GTF2E2: variants seen among roughly 807,000 people sequenced by gnomAD.
GTF2E2 encodes the protein general transcription factor IIE subunit 2, also known as transcription initiation factor IIE subunit beta.
A neutral mutation model predicts 40.5 loss-of-function variants in GTF2E2; 21 were observed. The observed-to-expected ratio is 0.52, with a 90% CI of 0.37 to 0.75. The LOEUF (loss-of-function observed/expected upper bound fraction) is 0.75. Ranked by LOEUF, GTF2E2 falls within the 30% of genes least tolerant of loss-of-function variation. GTF2E2 has a pLI of 0.00. For synonymous variants in GTF2E2, 117 were observed against 121.6 expected, an observed-to-expected ratio of 0.96 and a Z score of 0.25; for missense variants, 298 against 338.4, an observed-to-expected ratio of 0.88 and a Z score of 0.94.
At chr8:30,650,002 C>T (rs990625779) in intron 2 of GTF2E2, among the ~76,000 whole-genome samples, 2 of 152,130 alleles carry the variant, frequency 1.3e-5, no homozygotes, top group African/African-American at 4.8e-5. Context: ...ATGGCTTCAC[C>T]AGTGAATTCT....
chr8:30,582,842 G>A (rs1454071120), intron 6 of GTF2E2, among the ~76,000 whole-genome samples: 1 of 152,188 alleles, frequency 6.6e-6, no homozygotes, highest in Admixed American at 6.5e-5. Context: ...AGGTTTCTCT[G>A]TCATGAAGCT....
chr8:30,581,615 C>A (rs1828516365), intron 6 of GTF2E2, among the ~76,000 whole-genome samples: 1 of 152,160 alleles, frequency 6.6e-6, no homozygotes, highest in Admixed American at 6.5e-5. Context: ...TATTTAAATC[C>A]AAAATGTCTC....
intron 4 of GTF2E2, 147 bp from the exon 5 acceptor site, chr8:30,612,628 G>C (rs548814415): frequency 6.0e-5 from 26 of 429,902 alleles, no homozygotes; most frequent in Non-Finnish European, 1.0e-4. Context: ...CTGGGTTCAA[G>C]CGATTCTCCT....
chr8:30,632,522 A>C (rs1286394421), intron 3 of GTF2E2, among the ~76,000 whole-genome samples: 1 of 152,248 alleles, frequency 6.6e-6, no homozygotes, highest in East Asian at 1.9e-4. Flanking sequence ...TCACAAAAAT[A>C]TATTTTAAAC....
At chr8:30,595,394 G>A (rs1314179738) in intron 6 of GTF2E2, among the ~76,000 whole-genome samples, 3 of 152,218 alleles carry the variant, frequency 2.0e-5, no homozygotes, top group Admixed American at 6.5e-5. Context: ...TCCTAGAAAC[G>A]TATTTGTATA....
chr8:30,588,846 T>C (rs1001111526), intron 6 of GTF2E2, among the ~76,000 whole-genome samples: 2 of 152,212 alleles, frequency 1.3e-5, no homozygotes, highest in Non-Finnish European at 2.9e-5. Flanking sequence ...ACTTCTGACC[T>C]CCAGAACAGT....
In GTF2E2 at chr8:30,653,518, T is replaced by A; in HGVS notation, c.81A>T (p.Ala27=). 6.2e-7 allele frequency: 1 copy of A among 1,613,426 alleles called. No individual in the cohort carries two copies. Among genetic ancestry groups the A allele is most frequent in the Non-Finnish European group, 8.5e-7 (1 of 1,179,356 alleles). The change falls in exon 2 of 8, where the codon GCA becomes GCT. Residue 27 remains alanine, a synonymous_variant. Transcript: ENST00000355904. ...ACGATGATGATGATGACTCAGAAGA[T>A]GCTGAACGTTTTTCTACTACAGGAG... is the stretch of plus-strand genomic sequence containing the variant. The part of the protein sequence containing the change: ...LSTPVVEKRS[A]SSESSSSSSK...
intron 3 of GTF2E2, among the ~76,000 whole-genome samples, chr8:30,618,031 G>A (rs1800974584): frequency 6.6e-6 from 1 of 152,136 alleles, no homozygotes; most frequent in African/African-American, 2.4e-5. Flanking sequence ...GGGCACAGTG[G>A]CTCATGCCTG....
intron 2 of GTF2E2, among the ~76,000 whole-genome samples, chr8:30,648,817 T>C (rs1336672161): frequency 3.9e-5 from 6 of 152,260 alleles, no homozygotes; most frequent in African/African-American, 7.2e-5. Flanking sequence ...AACAAGCTTC[T>C]GTTGTTTTAA....
chr8:30,591,820 T>C (rs1235402080), intron 6 of GTF2E2, among the ~76,000 whole-genome samples: 2 of 152,168 alleles, frequency 1.3e-5, no homozygotes, highest in African/African-American at 4.8e-5. Context: ...CAAAAACTTG[T>C]ATAGGTATGT....
At chr8:30,616,895 G>A (rs886796313) in intron 3 of GTF2E2, among the ~76,000 whole-genome samples, 16 of 151,964 alleles carry the variant, frequency 1.1e-4, no homozygotes, top group Non-Finnish European at 2.1e-4. Context: ...TATAGGGAAG[G>A]GTAGAAATAA....
At chr8:30,594,414 C>T (rs1231972841) in intron 6 of GTF2E2, among the ~76,000 whole-genome samples, 2 of 151,682 alleles carry the variant, frequency 1.3e-5, no homozygotes, top group Admixed American at 1.3e-4. Context: ...CGCACCACCA[C>T]GCCTGGCTAA....
chr8:30,639,319 T>C (rs1391675226), intron 2 of GTF2E2, among the ~76,000 whole-genome samples: 1 of 152,152 alleles, frequency 6.6e-6, no homozygotes, highest in Non-Finnish European at 1.5e-5. Context: ...ATTTCTTCAC[T>C]GTGAAATTTC....
chr8:30,620,149 CAA>C (rs769066458), intron 3 of GTF2E2, among the ~76,000 whole-genome samples: 3 of 151,844 alleles, frequency 2.0e-5, no homozygotes, highest in Non-Finnish European at 2.9e-5. Flanking sequence ...CTCCGACTTC[CAA>C]AACTGGAAGA....
chr8:30,581,097 C>T (rs1366811849), intron 6 of GTF2E2, among the ~76,000 whole-genome samples: 1 of 152,200 alleles, frequency 6.6e-6, no homozygotes, highest in African/African-American at 2.4e-5. Flanking sequence ...ACATTCTGCT[C>T]CTGAAGACAG....
chr8:30,624,521 G>A (rs1043300369), intron 3 of GTF2E2, among the ~76,000 whole-genome samples: 10 of 151,974 alleles, frequency 6.6e-5, no homozygotes, highest in African/African-American at 2.2e-4. Flanking sequence ...ATATGAACTT[G>A]AAAGTAGTTT....
At chr8:30,632,585 T>C (rs1801471892) in intron 3 of GTF2E2, among the ~76,000 whole-genome samples, 1 of 152,202 alleles carries the variant, frequency 6.6e-6, no homozygotes, top group Non-Finnish European at 1.5e-5. Context: ...ATTAACAGTA[T>C]TTCTATTTTC....
At chr8:30,657,438 T>A (rs1307079260) in intron 1 of GTF2E2, 1 of 152,154 alleles carries the variant, frequency 6.6e-6, no homozygotes, top group Non-Finnish European at 1.5e-5. Context: ...CCCTGGCACC[T>A]CAGGACCCGG....
intron 1 of GTF2E2, among the ~76,000 whole-genome samples, chr8:30,654,088 CAAAAA>C (rs11307086): frequency 1.2e-4 from 14 of 115,328 alleles, no homozygotes; most frequent in East Asian, 2.5e-4. Context: ...GACCCTTGTT[CAAAAA>C]AAAAAAAAAA....
Sources: allele counts gnomAD v4.1 joint callset (sites outside exome capture counted in the v4.1 genomes callset), GRCh38; gene constraint gnomAD v4.1.1; transcripts MANE v1.5; gene names NCBI Gene and HGNC (gene_info 2026-07-23, HGNC 2026-07-21).